The following VILL variants were observed in gnomAD, a reference collection of about 807,000 sequenced individuals.
VILL encodes the protein villin-like protein.
VILL carries 102 observed loss-of-function variants against 106.3 expected under a neutral mutation model. The ratio of observed to expected loss-of-function variants is 0.96; its 90% CI spans 0.82 to 1.13. The LOEUF (loss-of-function observed/expected upper bound fraction) is 1.13. Among genes scored for constraint, VILL ranks in the 50% most tolerant of loss-of-function variants. VILL has a pLI of 0.00. For missense variants in VILL, 1,076 were observed against 1,116.6 expected (o/e 0.96, Z 0.52); for synonymous variants, 431 against 440.3 (o/e 0.98, Z 0.27).
chr3:37,996,350 C>T (rs968632394), intron 5 of VILL, among the ~76,000 whole-genome samples: 4 of 152,186 alleles, frequency 2.6e-5, no homozygotes, highest in Non-Finnish European at 5.9e-5. Context: ...CTGTTATCCC[C>T]GGGTGCTCCT....
At chr3:38,004,785 TGTGA>T (rs987274453) in intron 16 of VILL, among the ~76,000 whole-genome samples, 3 of 152,134 alleles carry the variant, frequency 2.0e-5, no homozygotes, top group Admixed American at 6.6e-5. Flanking sequence ...TGTGGCTTGG[TGTGA>T]GTGTTTGCCT....
chr3:38,003,505 CTCA>C (rs35261592), intron 15 of VILL, 192 bp downstream of exon 15: 111,181 of 702,020 alleles, frequency 0.16, 10,246 homozygotes, highest in African/African-American at 0.31. Flanking sequence ...ACTTGCGTCT[CTCA>C]GATGCTGGGG....
chr3:38,003,141 G>A (rs1489156952), intron 14 of VILL, 27 bp from the exon 15 acceptor site: 2 of 1,611,668 alleles, frequency 1.2e-6, no homozygotes, highest in South Asian at 1.1e-5. Flanking sequence ...CCTCATGCAG[G>A]GCCTGAGCCA....
In VILL at chr3:37,997,877, G is replaced by A. The variant is rs1247549723; in HGVS notation, c.764+192G>A. 6.6e-6 allele frequency among the ~76,000 whole-genome samples: 1 copy of A among 152,196 alleles called. No individual in the cohort carries two copies. The highest frequency in any genetic ancestry group is 1.5e-5 in the Non-Finnish European group (1 of 68,024). ...TGGCTGCCTTGCTGAGAAACCTATT[G>A]TACATACAGGGGGACTGTGGCGCCC... On this transcript the variant is annotated intron_variant, in intron 7 of 19. Transcript: ENST00000383759. The surrounding 1 kb of genome is among the most constrained non-coding windows in gnomAD (Gnocchi z 4.7).
Position 37,998,780 on chromosome 3 carries a change from GC to G in VILL, c.943-131del, listed in dbSNP as rs1362136185. 2 of 1,416,324 alleles carry G rather than the reference GC, an allele frequency of 1.4e-6. No individual in the cohort carries two copies. The highest frequency in any genetic ancestry group is 2.9e-5 in the African/African-American group (2 of 68,926). 87.7% of individuals were successfully genotyped at this position (1,416,324 alleles called of 1,614,324 possible). On this transcript the variant is annotated intron_variant, in intron 9 of 19. Coordinates refer to ENST00000383759, the MANE Select transcript of VILL (RefSeq NM_015873.4). The surrounding 1 kb of genome is among the most constrained non-coding windows in gnomAD (Gnocchi z 4.1). ...AAGTCGGTGGTGACAGAGTCAATTC[GC>G]TAAGTGGGTCATGAGCTCGGTTAAT...
chr3:37,995,131 T>C (rs960734085), intron 4 of VILL, among the ~76,000 whole-genome samples: 3 of 152,238 alleles, frequency 2.0e-5, no homozygotes, highest in African/African-American at 7.2e-5. Flanking sequence ...CAATGTTGTT[T>C]TGAGTTTGCT....
In VILL at chr3:37,997,821, G is replaced by A. The variant is rs1437971008; in HGVS notation, c.764+136G>A. On this transcript the variant is annotated intron_variant, in intron 7 of 19. Transcript: ENST00000383759. This position sits in a 1 kb window ranked among gnomAD's most constrained non-coding sequence, Gnocchi z 4.7. ...GTTTCTGGGACAGGTCATGTGGACC[G>A]TGGGTCCAGCCTGTACTCTTCCATG... 12 of 1,020,170 alleles carry A rather than the reference G, an allele frequency of 1.2e-5. No individual in the cohort carries two copies. The highest frequency in any genetic ancestry group is 9.2e-5 in the Admixed American group (4 of 43,264). The allele number at this position is 1,020,170 out of a possible 1,614,324, so 63.2% of individuals were successfully genotyped here.
intron 3 of VILL, 129 bp from the exon 4 acceptor site, chr3:37,994,132 C>T (rs772471299): frequency 7.2e-7 from 1 of 1,390,738 alleles, no homozygotes; most frequent in Non-Finnish European, 1.0e-6. Context: ...TTAGTCCTTC[C>T]CTCCCACTTC....
intron 14 of VILL, chr3:38,002,950 C>T: frequency 1.7e-6 from 1 of 604,492 alleles, no homozygotes; most frequent in Middle Eastern, 4.5e-4. Context: ...ATCCCATGCT[C>T]TGGACCCTGC....
chr3:38,005,655 T>C (rs1699903477), intron 16 of VILL, 137 bp from the exon 17 acceptor site: 1 of 903,012 alleles, frequency 1.1e-6, no homozygotes, highest in Non-Finnish European at 1.6e-6. Flanking sequence ...GTACAGCCGC[T>C]TGCTGGGTGT....
In VILL at chr3:38,005,820, G is replaced by A. The variant is rs1485059593; in HGVS notation, c.1979G>A (p.Ser660Asn). Residue 660 changes from serine to asparagine, a missense_variant, in exon 17 of 20, where the codon AGT (serine) becomes AAT (asparagine). Ser to Asn is a conservative substitution (Grantham distance 46). Transcript: ENST00000383759. ...TTCCTGTGGCTTGGGGAAGCTGCAAGTGAGTGGAAGGAGGCGGTGGCCTGG... is the reference window on the plus strand; with the variant it reads ...TTCCTGTGGCTTGGGGAAGCTGCAAATGAGTGGAAGGAGGCGGTGGCCTGG... ...EIFLWLGEAA[S>N]EWKEAVAWGQ... 3 of 1,613,160 alleles carry A rather than the reference G, an allele frequency of 1.9e-6. No individual in the cohort carries two copies. The South Asian group carries it at 3.3e-5, about 18-fold the overall frequency.
chr3:38,001,104 C>T (rs961601734), intron 11 of VILL: 2 of 509,214 alleles, frequency 3.9e-6, no homozygotes, highest in Admixed American at 4.8e-5. Flanking sequence ...TCCCTTTCCG[C>T]CCGGCTTCTG....
In VILL at chr3:37,998,838, C is replaced by T. The variant is rs1327369442; in HGVS notation, c.943-74C>T. The T allele has an allele frequency of 2.0e-6, 3 of 1,525,938 alleles. No individual in the cohort carries two copies. Among genetic ancestry groups the T allele is most frequent in the Admixed American group, 4.0e-5 (2 of 50,106 alleles). 94.5% of individuals were successfully genotyped at this position (1,525,938 alleles called of 1,614,324 possible). A position where few individuals can be genotyped will look rare whatever the true frequency, so the allele number is the denominator to read the frequency against. Reference sequence around the variant, plus strand: ...TTCTTGGAGCTCGGCTGTCCCAGAGCGGTAGGTCCCCAGGAGCGGCAGTGG... The same window carrying T: ...TTCTTGGAGCTCGGCTGTCCCAGAGTGGTAGGTCCCCAGGAGCGGCAGTGG... On this transcript the variant is annotated intron_variant, in intron 9 of 19. Coordinates refer to ENST00000383759, the MANE Select transcript of VILL (RefSeq NM_015873.4). The surrounding 1 kb of genome is among the most constrained non-coding windows in gnomAD (Gnocchi z 4.1).
rs1699743705 is a variant in VILL, at chr3:37,998,286, G to C, written c.864G>C (p.Gln288His). 1 of 1,614,174 alleles carries C rather than the reference G, an allele frequency of 6.2e-7. No homozygotes were observed. The highest frequency in any genetic ancestry group is 8.5e-7 in the Non-Finnish European group (1 of 1,180,008). The change falls in exon 9 of 20, where the codon CAG becomes CAC. Residue 288 changes from glutamine to histidine, a missense_variant. Physicochemically the swap from Gln to His is conservative, Grantham distance 24 (BLOSUM62 0). Transcript: ENST00000383759. This position sits in a 1 kb window ranked among gnomAD's most constrained non-coding sequence, Gnocchi z 4.1. ...LQEEDFYILD[Q>H]GGFKIYVWQG... is the part of the protein sequence containing the mutation. ...CCCAGGACTTCTACATCCTGGACCA[G>C]GGTGGCTTCAAGATCTATGTGTGGC...
At chr3:37,995,186 G>T (rs1699678576) in intron 4 of VILL, among the ~76,000 whole-genome samples, 1 of 152,170 alleles carries the variant, frequency 6.6e-6, no homozygotes, top group African/African-American at 2.4e-5. Context: ...GCTGTAAATT[G>T]CTTCACAGGT....
At position 38,006,595 on chromosome 3, in the gene VILL, C is replaced by T. The variant is rs944148861; in HGVS notation, c.2352C>T (p.Ser784=). The change falls in exon 19 of 20, where the codon TCC becomes TCT. Residue 784 remains serine (S), a synonymous_variant. Transcript: ENST00000383759. ...PKSAGSRTSS[S]VSSTSATING... is the part of the protein sequence containing the mutation. ...CGGCTGGCAGCAGAACCAGCAGCTC[C>T]GTCAGCAGCACCAGCGCCACGATCA... 25 of 1,614,002 alleles carry T rather than the reference C, an allele frequency of 1.5e-5. No individual in the cohort carries two copies. Among genetic ancestry groups the T allele is most frequent in the African/African-American group, 6.7e-5 (5 of 74,952 alleles).
At chr3:38,006,734 A>C (rs1174162785) in intron 19 of VILL, 34 bp downstream of exon 19, 1 of 1,575,332 alleles carries the variant, frequency 6.3e-7, no homozygotes. Flanking sequence ...GCACTAGTGC[A>C]TCTGACACTG....
chr3:37,993,928 G>A lies in VILL; in HGVS notation c.91G>A (p.Ala31Thr), dbSNP rs1041657143. 9.3e-6 allele frequency: 15 copies of A among 1,614,196 alleles called. No homozygotes were observed. Among genetic ancestry groups the A allele is most frequent in the Admixed American group, 1.7e-5 (1 of 60,028 alleles). The change falls in exon 3 of 20, where the codon GCT (alanine) becomes ACT (threonine). Residue 31 changes from alanine to threonine, a missense_variant. Transcript: ENST00000383759. ...GAAGATGGTGCCGGTACCCGAGGGGGCTTACGGGAACTTTTTTGAGGAACA... is the reference window on the plus strand; with the variant it reads ...GAAGATGGTGCCGGTACCCGAGGGGACTTACGGGAACTTTTTTGAGGAACA... ...NRKMVPVPEG[A>T]YGNFFEEHCY...
At chr3:38,001,006 A>G (rs535724593) in intron 11 of VILL, 2 of 460,148 alleles carry the variant, frequency 4.3e-6, no homozygotes, top group Non-Finnish European at 8.7e-6. Context: ...CAGATGTGAG[A>G]CAGTGTTTCC....
Sources: allele counts gnomAD v4.1 joint callset (sites outside exome capture counted in the v4.1 genomes callset), GRCh38; gene constraint gnomAD v4.1.1; non-coding constraint Gnocchi (gnomAD v3.1); transcripts MANE v1.5; gene names NCBI Gene and HGNC (gene_info 2026-07-23, HGNC 2026-07-21).